The following PLEKHA7 variants were observed in gnomAD, a reference collection of about 807,000 sequenced individuals.
PLEKHA7 encodes pleckstrin homology domain containing A7.
Under a neutral mutation model 170.0 loss-of-function variants are expected in PLEKHA7, and 104 were observed. The ratio of observed to expected loss-of-function variants is 0.61; its 90% CI spans 0.52 to 0.72. The LOEUF is 0.72. Among genes scored for constraint, PLEKHA7 ranks in the 30% least tolerant of loss-of-function variants. PLEKHA7 has a pLI of 0.00. For synonymous variants in PLEKHA7, 648 were observed against 660.8 expected, an observed-to-expected ratio of 0.98 and a Z score of 0.30; for missense variants, 1,615 against 1,671.7, an observed-to-expected ratio of 0.97 and a Z score of 0.59.
intron 3 of PLEKHA7, among the ~76,000 whole-genome samples, chr11:17,009,157 C>G (rs12789447): frequency 1.3e-5 from 2 of 152,138 alleles, no homozygotes; most frequent in Non-Finnish European, 2.9e-5. Flanking sequence ...GCTACCACTA[C>G]TACTGTGGCT....
intron 17 of PLEKHA7, among the ~76,000 whole-genome samples, chr11:16,800,034 C>G (rs1848482546): frequency 6.6e-6 from 1 of 152,220 alleles, no homozygotes; most frequent in Non-Finnish European, 1.5e-5. Flanking sequence ...CATTAAATCA[C>G]TTAAACAAAG....
chr11:16,946,586 G>A (rs1359711526), intron 3 of PLEKHA7, among the ~76,000 whole-genome samples: 1 of 152,128 alleles, frequency 6.6e-6, no homozygotes, highest in East Asian at 1.9e-4. Context: ...AAATCAGTAT[G>A]CACAGAGGAT....
At chr11:16,821,622 C>G (rs1850219718) in intron 10 of PLEKHA7, among the ~76,000 whole-genome samples, 1 of 151,978 alleles carries the variant, frequency 6.6e-6, no homozygotes, top group African/African-American at 2.4e-5. Context: ...GCAGAGATAT[C>G]TATCTCATAT....
At chr11:16,818,496 G>A (rs1849949122) in intron 10 of PLEKHA7, among the ~76,000 whole-genome samples, 1 of 152,108 alleles carries the variant, frequency 6.6e-6, no homozygotes, top group South Asian at 2.1e-4. Flanking sequence ...CTTCCCCCAC[G>A]TGGACCTTCT....
chr11:16,788,950 C>A lies in PLEKHA7; in HGVS notation c.3357+146G>T, dbSNP rs553188440. ...GCATTCGTCCAGCCTGGGTCGTGGA[C>A]AAACAGCCCCGTGGGGTGTTCTCTG... On this transcript the variant is annotated intron_variant, in intron 23 of 26. Coordinates refer to ENST00000531066, the MANE Select transcript of PLEKHA7 (RefSeq NM_001329630.2). 98 of 1,047,236 alleles carry A rather than the reference C, an allele frequency of 9.4e-5. 1 individual carries two copies. In the African/African-American group the frequency reaches 1.3e-3, roughly 14 times the overall value. The allele number at this position is 1,047,236 out of a possible 1,614,324, so 64.9% of individuals were successfully genotyped here.
At chr11:16,992,041 G>A (rs1864073419) in intron 3 of PLEKHA7, among the ~76,000 whole-genome samples, 1 of 151,584 alleles carries the variant, frequency 6.6e-6, no homozygotes, top group Admixed American at 6.6e-5. Flanking sequence ...CTGGTACTGG[G>A]TAGGCCAAAG....
intron 3 of PLEKHA7, among the ~76,000 whole-genome samples, chr11:16,964,838 A>T (rs1862274501): frequency 6.6e-6 from 1 of 152,220 alleles, no homozygotes; most frequent in African/African-American, 2.4e-5. Flanking sequence ...AAGATGACCC[A>T]CGGAGTTCTA....
At chr11:16,897,782 G>A (rs999400059) in intron 3 of PLEKHA7, among the ~76,000 whole-genome samples, 3 of 152,136 alleles carry the variant, frequency 2.0e-5, no homozygotes, top group Non-Finnish European at 2.9e-5. Context: ...CTGCAGCGGA[G>A]AGCATTTGCC....
At chr11:16,909,565 T>A (rs568684442) in intron 3 of PLEKHA7, among the ~76,000 whole-genome samples, 1 of 152,182 alleles carries the variant, frequency 6.6e-6, no homozygotes. Flanking sequence ...GTGCAAATAC[T>A]GTGCTGAGAG....
At chr11:16,935,176 T>G (rs1185282737) in intron 3 of PLEKHA7, among the ~76,000 whole-genome samples, 3 of 152,246 alleles carry the variant, frequency 2.0e-5, no homozygotes, top group Non-Finnish European at 4.4e-5. Flanking sequence ...GGCTCACGCC[T>G]GTAATCCCAG....
At chr11:16,793,005 A>G (rs1847964617) in intron 19 of PLEKHA7, among the ~76,000 whole-genome samples, 1 of 152,224 alleles carries the variant, frequency 6.6e-6, no homozygotes, top group South Asian at 2.1e-4. Flanking sequence ...ATATATTCCT[A>G]GGAGAGAGGA....
chr11:16,855,926 C>A lies in PLEKHA7; in HGVS notation c.306-12G>T. Reference sequence around the variant, plus strand: ...TATGTGGATTCGGCCTGTGAGGAGACAGGGGATTCCAGTGAGTAAAAGCCG... The same window carrying A: ...TATGTGGATTCGGCCTGTGAGGAGAAAGGGGATTCCAGTGAGTAAAAGCCG... On this transcript the variant is annotated splice_polypyrimidine_tract_variant and intron_variant, in intron 4 of 26. Transcript: ENST00000531066. 6.3e-7 allele frequency: 1 copy of A among 1,594,820 alleles called. No individual in the cohort carries two copies. Among genetic ancestry groups the A allele is most frequent in the Non-Finnish European group, 8.6e-7 (1 of 1,162,822 alleles).
In PLEKHA7 at chr11:16,794,705, G is replaced by A. The variant is rs138705130; in HGVS notation, c.2528C>T (p.Thr843Met). ...AGGCGGGTGAGGAAACAAAGGCACC[G>A]TTTTTCTCTCTAAGGGGCATAGAAG... ...VESVKNPERK[T>M]VPLFPHPPVP... is the part of the protein sequence containing the mutation. The change falls in exon 19 of 27, where the codon ACG becomes ATG. Residue 843 changes from threonine (T) to methionine (M), a missense_variant. Physicochemically the swap from Thr to Met is moderately conservative, Grantham distance 81. Coordinates refer to ENST00000531066, the MANE Select transcript of PLEKHA7 (RefSeq NM_001329630.2). The A allele has an allele frequency of 5.1e-5, 83 of 1,613,828 alleles. No homozygotes were observed. The highest frequency in any genetic ancestry group is 8.8e-5 in the South Asian group (8 of 91,076).
At chr11:16,860,568 T>C (rs143231860) in intron 4 of PLEKHA7, among the ~76,000 whole-genome samples, 3 of 152,314 alleles carry the variant, frequency 2.0e-5, no homozygotes, top group East Asian at 1.9e-4. Context: ...TGCCAGGCAC[T>C]TGGCCTGCAT....
intron 24 of PLEKHA7, among the ~76,000 whole-genome samples, chr11:16,784,650 C>T (rs1299562574): frequency 6.6e-6 from 1 of 152,184 alleles, no homozygotes; most frequent in Non-Finnish European, 1.5e-5. Context: ...ACTTTTTCCT[C>T]CCTGAATTAC....
chr11:16,821,626 CTCATA>C (rs2134824939), intron 10 of PLEKHA7, among the ~76,000 whole-genome samples: 2 of 152,162 alleles, frequency 1.3e-5, no homozygotes, highest in East Asian at 3.9e-4. Flanking sequence ...AGATATCTAT[CTCATA>C]TATTTTCAAA....
At chr11:16,813,228 G>A in intron 12 of PLEKHA7, 62 bp from the exon 13 acceptor site, 8 of 1,421,514 alleles carry the variant, frequency 5.6e-6, no homozygotes, top group Non-Finnish European at 7.9e-6. Flanking sequence ...CATAACTCGA[G>A]GTTTCACATG....
chr11:16,893,228 A>C (rs1324440963), intron 3 of PLEKHA7, among the ~76,000 whole-genome samples: 1 of 152,228 alleles, frequency 6.6e-6, no homozygotes, highest in East Asian at 1.9e-4. Flanking sequence ...ATTTCAAAAG[A>C]GTTTAGGATT....
At chr11:16,967,805 C>A (rs1383166137) in intron 3 of PLEKHA7, among the ~76,000 whole-genome samples, 1 of 151,772 alleles carries the variant, frequency 6.6e-6, no homozygotes, top group Non-Finnish European at 1.5e-5. Context: ...TTCAGGCACC[C>A]CCATTTGACA....
Sources: allele counts gnomAD v4.1 joint callset (sites outside exome capture counted in the v4.1 genomes callset), GRCh38; gene constraint gnomAD v4.1.1; transcripts MANE v1.5; gene names NCBI Gene and HGNC (gene_info 2026-07-23, HGNC 2026-07-21).